Variants in RRM2B observed in about 807,000 individuals in gnomAD.
RRM2B encodes ribonucleotide reductase regulatory TP53 inducible subunit M2B, also known as ribonucleoside-diphosphate reductase subunit M2 B.
Under a neutral mutation model 45.9 loss-of-function variants are expected in RRM2B, and 20 were observed. That is an observed-to-expected ratio of 0.44 (90% CI 0.31 to 0.63). The LOEUF (loss-of-function observed/expected upper bound fraction) is 0.63. RRM2B is among the 30% of genes least tolerant of loss of function. RRM2B has a pLI of 0.09. For synonymous variants in RRM2B, 124 were observed against 132.3 expected, an observed-to-expected ratio of 0.94 and a Z score of 0.43; for missense variants, 320 against 414.7, an observed-to-expected ratio of 0.77 and a Z score of 1.98.
intron 5 of RRM2B, 27 bp downstream of exon 5, chr8:102,224,019 G>C: frequency 6.7e-7 from 1 of 1,490,274 alleles, no homozygotes; most frequent in South Asian, 1.1e-5. Flanking sequence ...AGGCAAATCT[G>C]ATCATACATA....
chr8:102,212,726 G>T, intron 8 of RRM2B, 50 bp downstream of exon 8: 2 of 951,374 alleles, frequency 2.1e-6, no homozygotes, highest in Non-Finnish European at 3.4e-6. Context: ...TAGGGTCCTT[G>T]CTTTCCTATA....
At chr8:102,213,998 T>C in intron 7 of RRM2B, 56 bp downstream of exon 7, 1 of 1,151,756 alleles carries the variant, frequency 8.7e-7, no homozygotes, top group East Asian at 2.3e-5. Context: ...AATATAATAG[T>C]GGTACAAACA....
intron 5 of RRM2B, among the ~76,000 whole-genome samples, chr8:102,219,287 CAT>C (rs1045333214): frequency 2.0e-5 from 3 of 152,300 alleles, no homozygotes; most frequent in Admixed American, 6.5e-5. Context: ...AGTATGTATA[CAT>C]ATGTGTGTGT....
At chr8:102,235,796 G>A (rs1459060376) in intron 1 of RRM2B, among the ~76,000 whole-genome samples, 1 of 152,142 alleles carries the variant, frequency 6.6e-6, no homozygotes, top group Non-Finnish European at 1.5e-5. Context: ...CCGAGATTGT[G>A]CCACTGTATG....
intron 1 of RRM2B, 168 bp downstream of exon 1, chr8:102,238,659 G>C (rs771581024): frequency 1.3e-6 from 2 of 1,537,754 alleles, no homozygotes; most frequent in East Asian, 2.4e-5. Context: ...CCCTCCCCGG[G>C]GACGGCCTCC....
rs533857133 is a variant in RRM2B, at chr8:102,213,007, T to C, written c.790-118A>G. 7.3e-6 allele frequency: 5 copies of C among 687,172 alleles called. No individual in the cohort carries two copies. The East Asian group carries it at 1.1e-4, about 15-fold the overall frequency. 42.6% of individuals were successfully genotyped at this position (687,172 alleles called of 1,614,324 possible). The stretch of plus-strand genomic sequence containing the variant: ...CTGATTTTGTCCAAGGAAAGTATAT[T>C]AGGATAAATTCTTTCAATGTGGCAA... On this transcript the variant is annotated intron_variant, in intron 7 of 8. Transcript: ENST00000251810.
rs1341488094 is a variant in RRM2B, at chr8:102,205,691, T to C, written c.*2442A>G. On this transcript the variant is annotated 3_prime_UTR_variant, in exon 9 of 9. Coordinates refer to ENST00000251810, the MANE Select transcript of RRM2B (RefSeq NM_015713.5). ...TGTACTGTAAAAAAGAGAAAACAGT[T>C]GTAAACACACTCTTAATTTTTTTCT... 1 of 152,172 alleles carries C rather than the reference T, an allele frequency of 6.6e-6. No homozygotes were observed. The highest frequency in any genetic ancestry group is 2.4e-5 in the African/African-American group (1 of 41,466). 9.4% of individuals were successfully genotyped at this position (152,172 alleles called of 1,614,324 possible).
In RRM2B at chr8:102,218,888, C is replaced by T. The variant is rs753697846; in HGVS notation, c.610G>A (p.Ala204Thr). Residue 204 changes from alanine (A) to threonine (T), a missense_variant, in exon 6 of 9, where the codon GCT becomes ACT. Coordinates refer to ENST00000251810, the MANE Select transcript of RRM2B (RefSeq NM_015713.5). ...CCTCTCTTCTTTAGCCAGAATATAG[C>T]AGCAAAAGATCCTGAGAAGAAAACT... ...EGVFFSGSFA[A>T]IFWLKKRGLM... 6.2e-7 allele frequency: 1 copy of T among 1,613,592 alleles called. No individual in the cohort carries two copies. Among genetic ancestry groups the T allele is most frequent in the Non-Finnish European group, 8.5e-7 (1 of 1,179,566 alleles).
intron 2 of RRM2B, among the ~76,000 whole-genome samples, chr8:102,230,733 C>A (rs760752846): frequency 6.6e-6 from 1 of 152,072 alleles, no homozygotes; most frequent in Non-Finnish European, 1.5e-5. Context: ...AACACTGGTG[C>A]CTTCTGATTT....
At position 102,208,177 on chromosome 8, in the gene RRM2B, C is replaced by G. The variant is rs1156478401; in HGVS notation, c.1012G>C (p.Ala338Pro). ...VSEYQRFAVM[A>P]ETTDNVFTLD... is the part of the protein sequence containing the mutation. ...GTGAAGACGTTATCTGTGGTTTCTGCCATAACTGCAAAACGCTGATACTCT... is the reference window on the plus strand; with the variant it reads ...GTGAAGACGTTATCTGTGGTTTCTGGCATAACTGCAAAACGCTGATACTCT... The change falls in exon 9 of 9, where the codon GCA becomes CCA. Residue 338 changes from alanine (A) to proline (P), a missense_variant. This residue lies in a region of RRM2B where 47 missense variants were observed against 90.0 expected (regional missense o/e 0.52). Transcript: ENST00000251810. 1 of 1,613,272 alleles carries G rather than the reference C, an allele frequency of 6.2e-7. No individual in the cohort carries two copies. Among genetic ancestry groups the G allele is most frequent in the African/African-American group, 1.3e-5 (1 of 74,816 alleles).
Position 102,204,776 on chromosome 8 carries a change from A to G in RRM2B, c.*3357T>C, listed in dbSNP as rs1197842224. The G allele has an allele frequency of 6.6e-6, 1 of 152,214 alleles. No individual in the cohort carries two copies. The highest frequency in any genetic ancestry group is 2.4e-5 in the African/African-American group (1 of 41,470). The allele number at this position is 152,214 out of a possible 1,614,324, so 9.4% of individuals were successfully genotyped here. A position where few individuals can be genotyped will look rare whatever the true frequency, so the allele number is the denominator to read the frequency against. ...ACAGTAAATAGTAAATAACTTTGCT[A>G]AATGGCCAGACATTTGAAAAAATGA... On this transcript the variant is annotated 3_prime_UTR_variant, in exon 9 of 9. Coordinates refer to ENST00000251810, the MANE Select transcript of RRM2B (RefSeq NM_015713.5).
At chr8:102,226,353 T>C (rs1174702132) in intron 2 of RRM2B, among the ~76,000 whole-genome samples, 1 of 151,762 alleles carries the variant, frequency 6.6e-6, no homozygotes. Context: ...TAACATCATG[T>C]CATACACCTT....
At chr8:102,233,995 A>G (rs1168414576) in intron 1 of RRM2B, among the ~76,000 whole-genome samples, 2 of 152,044 alleles carry the variant, frequency 1.3e-5, no homozygotes, top group Non-Finnish European at 2.9e-5. Flanking sequence ...TAATTTTTAA[A>G]TTTTTTGTAG....
In RRM2B at chr8:102,212,830, T is replaced by C. The variant is rs756675425; in HGVS notation, c.849A>G (p.Lys283=). Reference sequence around the variant, plus strand: ...TGTCAGCTACAAACTCAATGTACTGTTTCATCAAAATGCAATTCATTCCAA... The same window carrying C: ...TGTCAGCTACAAACTCAATGTACTGCTTCATCAAAATGCAATTCATTCCAA... The part of the protein sequence containing the change: ...GLIGMNCILM[K]QYIEFVADRL... The change falls in exon 8 of 9, where the codon AAA becomes AAG. Residue 283 remains lysine, a synonymous_variant. Coordinates refer to ENST00000251810, the MANE Select transcript of RRM2B (RefSeq NM_015713.5). 1.2e-6 allele frequency: 2 copies of C among 1,612,246 alleles called. No homozygotes were observed. The highest frequency in any genetic ancestry group is 1.7e-5 in the Admixed American group (1 of 59,964).
intron 6 of RRM2B, 133 bp downstream of exon 6, chr8:102,218,681 G>A (rs538949495): frequency 6.1e-5 from 44 of 716,654 alleles, no homozygotes; most frequent in African/African-American, 4.4e-4. Flanking sequence ...AGCCATGATC[G>A]TGCCACTGTA....
intron 8 of RRM2B, among the ~76,000 whole-genome samples, chr8:102,209,931 A>T (rs916507050): frequency 6.6e-6 from 1 of 152,190 alleles, no homozygotes; most frequent in African/African-American, 2.4e-5. Flanking sequence ...AGAATAGGCA[A>T]ATCTACAGAC....
intron 1 of RRM2B, chr8:102,238,538 A>G (rs1001653259): frequency 1.3e-6 from 2 of 1,484,468 alleles, no homozygotes; most frequent in Non-Finnish European, 1.8e-6. Context: ...TGAGGCGGAT[A>G]AACGCAGGGG....
rs373467747 is a variant in RRM2B, at chr8:102,212,080, G to A, written c.903+696C>T. Among the ~76,000 whole-genome samples the A allele has an allele frequency of 4.2e-4, 64 of 152,264 alleles. No homozygotes were observed. In the East Asian group the frequency reaches 0.011, roughly 26 times the overall value. On this transcript the variant is annotated intron_variant, in intron 8 of 8. Coordinates refer to ENST00000251810, the MANE Select transcript of RRM2B (RefSeq NM_015713.5). Reference sequence around the variant, plus strand: ...CACTTAAGTACAAAGTGACCATCTAGTGTGAGTTTATTATGTGTCTAATAT... The same window carrying A: ...CACTTAAGTACAAAGTGACCATCTAATGTGAGTTTATTATGTGTCTAATAT...
At chr8:102,209,948 T>C (rs777899651) in intron 8 of RRM2B, among the ~76,000 whole-genome samples, 2 of 152,142 alleles carry the variant, frequency 1.3e-5, no homozygotes, top group Non-Finnish European at 2.9e-5. Context: ...AGACGCAGAA[T>C]AGGCAAATCT....
Sources: allele counts gnomAD v4.1 joint callset (sites outside exome capture counted in the v4.1 genomes callset), GRCh38; gene constraint gnomAD v4.1.1; regional missense constraint gnomAD v4.1.1; transcripts MANE v1.5; gene names NCBI Gene and HGNC (gene_info 2026-07-23, HGNC 2026-07-21).